RORB: variants seen among roughly 807,000 people sequenced by gnomAD.
RORB encodes RAR related orphan receptor B, also known as nuclear receptor ROR-beta.
A neutral mutation model predicts 59.1 loss-of-function variants in RORB; 6 were observed. The ratio of observed to expected loss-of-function variants is 0.10; its 90% CI spans 0.06 to 0.20. The LOEUF is 0.20. Ranked by LOEUF, RORB falls within the 10% of genes least tolerant of loss-of-function variation. The pLI is 1.00. For missense variants in RORB, 320 were observed against 560.5 expected, an observed-to-expected ratio of 0.57 and a Z score of 4.33; for synonymous variants, 215 against 204.5, an observed-to-expected ratio of 1.05 and a Z score of -0.44.
chr9:74,673,159 C>T (rs1824376349), intron 9 of RORB, among the ~76,000 whole-genome samples: 1 of 152,144 alleles, frequency 6.6e-6, no homozygotes, highest in South Asian at 2.1e-4. Context: ...TTCTCCTAGT[C>T]AATAGCGAAC....
At chr9:74,552,476 T>C (rs1826626568) in intron 1 of RORB, among the ~76,000 whole-genome samples, 1 of 152,090 alleles carries the variant, frequency 6.6e-6, no homozygotes, top group Non-Finnish European at 1.5e-5. Flanking sequence ...TGGGACTACA[T>C]CTTAAGAGTG....
At chr9:74,591,853 T>C (rs1822900837) in intron 1 of RORB, among the ~76,000 whole-genome samples, 3 of 152,118 alleles carry the variant, frequency 2.0e-5, no homozygotes, top group Non-Finnish European at 1.5e-5. Flanking sequence ...ATTTTTCACA[T>C]TATTTCTAAA....
At chr9:74,665,450 A>T (rs369090749) in intron 6 of RORB, 38 bp from the exon 7 acceptor site, 4 of 1,311,084 alleles carry the variant, frequency 3.1e-6, no homozygotes, top group Non-Finnish European at 4.3e-6. Context: ...ATATATGTGT[A>T]TTTTTATTTT....
chr9:74,576,892 C>T (rs773098631), intron 1 of RORB, among the ~76,000 whole-genome samples: 18 of 151,996 alleles, frequency 1.2e-4, no homozygotes, highest in Non-Finnish European at 2.2e-4. Flanking sequence ...ATGGGGAAAC[C>T]GTGGCAGTAA....
chr9:74,641,472 A>G (rs1823803865), intron 3 of RORB, among the ~76,000 whole-genome samples: 1 of 152,206 alleles, frequency 6.6e-6, no homozygotes, highest in Non-Finnish European at 1.5e-5. Flanking sequence ...TAGGCATTGG[A>G]TGCCCCAAAT....
At position 74,687,707 on chromosome 9, in the gene RORB, C is replaced by G. The variant is rs532210878; in HGVS notation, c.*2089C>G. The G allele has an allele frequency of 1.3e-5, 2 of 152,240 alleles. No individual in the cohort carries two copies. Among genetic ancestry groups the G allele is most frequent in the African/African-American group, 4.8e-5 (2 of 41,544 alleles). The allele number at this position is 152,240 out of a possible 1,614,324, so 9.4% of individuals were successfully genotyped here. A position where few individuals can be genotyped will look rare whatever the true frequency, so the allele number is the denominator to read the frequency against. On this transcript the variant is annotated 3_prime_UTR_variant, in exon 10 of 10. Transcript: ENST00000376896. The stretch of plus-strand genomic sequence containing the variant: ...GGTGTAAATGTCACTCCTGCTAGCT[C>G]TTTGTATAAAGAATTAATTCCCAGA...
At chr9:74,642,366 G>A (rs534177164) in intron 3 of RORB, 48 bp from the exon 4 acceptor site, 12 of 1,547,878 alleles carry the variant, frequency 7.8e-6, no homozygotes, top group South Asian at 6.3e-5. Context: ...GGTGGTTAAC[G>A]CGAATGATAA....
At chr9:74,594,916 G>A (rs1822949778) in intron 1 of RORB, among the ~76,000 whole-genome samples, 2 of 152,128 alleles carry the variant, frequency 1.3e-5, no homozygotes, top group South Asian at 4.1e-4. Context: ...CCCTTTTTAT[G>A]TGTATGTGAC....
At chr9:74,544,697 C>T (rs1277088861) in intron 1 of RORB, among the ~76,000 whole-genome samples, 1 of 152,160 alleles carries the variant, frequency 6.6e-6, no homozygotes. Context: ...CCACGCTTGT[C>T]CTGGCAGAAA....
At chr9:74,569,349 T>C (rs1822515791) in intron 1 of RORB, among the ~76,000 whole-genome samples, 1 of 152,100 alleles carries the variant, frequency 6.6e-6, no homozygotes. Flanking sequence ...ACATTGGGAA[T>C]GTAAATATAT....
intron 1 of RORB, among the ~76,000 whole-genome samples, chr9:74,516,097 C>T (rs1051598455): frequency 1.3e-5 from 2 of 152,078 alleles, no homozygotes; most frequent in East Asian, 3.9e-4. Flanking sequence ...GTCCAGGTAC[C>T]AGTGCCACCT....
intron 1 of RORB, among the ~76,000 whole-genome samples, chr9:74,598,666 C>T (rs1295552332): frequency 2.6e-5 from 4 of 152,096 alleles, no homozygotes; most frequent in Admixed American, 6.6e-5. Context: ...CATTTATTAA[C>T]CGTATTCAGC....
chr9:74,589,437 A>G (rs775562701), intron 1 of RORB, among the ~76,000 whole-genome samples: 1 of 152,200 alleles, frequency 6.6e-6, no homozygotes, highest in Non-Finnish European at 1.5e-5. Flanking sequence ...TTAAGAGCCC[A>G]GACCAGAACT....
At chr9:74,641,506 C>A (rs1462190441) in intron 3 of RORB, among the ~76,000 whole-genome samples, 1 of 152,180 alleles carries the variant, frequency 6.6e-6, no homozygotes, top group Non-Finnish European at 1.5e-5. Context: ...AGAATCTTAT[C>A]ATTTGATCCC....
At chr9:74,573,483 A>C (rs1822584317) in intron 1 of RORB, among the ~76,000 whole-genome samples, 1 of 151,826 alleles carries the variant, frequency 6.6e-6, no homozygotes, top group South Asian at 2.1e-4. Flanking sequence ...AAAAAAAAAA[A>C]AACTGGGCCT....
At chr9:74,575,098 CCTGGA>C (rs893504058) in intron 1 of RORB, among the ~76,000 whole-genome samples, 61 of 152,242 alleles carry the variant, frequency 4.0e-4, no homozygotes, top group Middle Eastern at 6.8e-3. Context: ...ACCTTAAATA[CCTGGA>C]CTGATACAAA....
At chr9:74,569,280 T>A (rs774236591) in intron 1 of RORB, among the ~76,000 whole-genome samples, 20 of 152,110 alleles carry the variant, frequency 1.3e-4, no homozygotes, top group Non-Finnish European at 2.2e-4. Flanking sequence ...TTTTCTTAGT[T>A]TTTATGAATA....
chr9:74,651,286 G>A (rs912242727), intron 4 of RORB, among the ~76,000 whole-genome samples: 2 of 152,160 alleles, frequency 1.3e-5, no homozygotes, highest in Admixed American at 1.3e-4. Context: ...TGTAATCCCA[G>A]CACTTTGGGA....
chr9:74,645,376 G>T (rs545316246), intron 4 of RORB, among the ~76,000 whole-genome samples: 2 of 152,198 alleles, frequency 1.3e-5, no homozygotes, highest in South Asian at 4.2e-4. Flanking sequence ...AGGCATCTGT[G>T]GTATAGTGTG....
Sources: allele counts gnomAD v4.1 joint callset (sites outside exome capture counted in the v4.1 genomes callset), GRCh38; gene constraint gnomAD v4.1.1; transcripts MANE v1.5; gene names NCBI Gene and HGNC (gene_info 2026-07-23, HGNC 2026-07-21).